Variants in FBXL17 observed in about 807,000 individuals in gnomAD.
The protein encoded by FBXL17 is F-box and leucine rich repeat protein 17.
Under a neutral mutation model 66.2 loss-of-function variants are expected in FBXL17, and 22 were observed. The observed-to-expected ratio is 0.33, with a 90% confidence interval of 0.24 to 0.47. The LOEUF (loss-of-function observed/expected upper bound fraction) is 0.47. FBXL17 is among the 20% of genes least tolerant of loss of function. FBXL17 has a pLI of 1.00. For missense variants in FBXL17, 878 were observed against 948.2 expected, an observed-to-expected ratio of 0.93 and a Z score of 0.97; for synonymous variants, 474 against 400.5, an observed-to-expected ratio of 1.18 and a Z score of -2.19.
At chr5:107,978,788 T>C (rs994503736) in intron 7 of FBXL17, among the ~76,000 whole-genome samples, 1 of 152,216 alleles carries the variant, frequency 6.6e-6, no homozygotes, top group Non-Finnish European at 1.5e-5. Flanking sequence ...ATTTGAGATT[T>C]AAGTAATAAC....
rs920845589 is a variant in FBXL17, at chr5:107,932,119, C to T, written c.1823-50940G>A. ...CCTTGGAAAGACACTGGTCTAGACT[C>T]TCCTTCTTAGAAGAAGGATTTTTGT... On this transcript the variant is annotated intron_variant, in intron 7 of 8. Transcript: ENST00000542267. Among the ~76,000 whole-genome samples the T allele has an allele frequency of 2.0e-5, 3 of 152,190 alleles. No homozygotes were observed. The South Asian group carries it at 6.2e-4, about 31-fold the overall frequency.
chr5:108,173,037 G>A (rs1752665933), intron 6 of FBXL17, among the ~76,000 whole-genome samples: 1 of 151,904 alleles, frequency 6.6e-6, no homozygotes, highest in Admixed American at 6.6e-5. Context: ...CTGACCTCAA[G>A]TGATCTACCT....
chr5:108,363,810 T>C lies in FBXL17; in HGVS notation c.1374+928A>G, dbSNP rs1748492327. Among the ~76,000 whole-genome samples, 7 of 152,086 alleles carry C rather than the reference T, an allele frequency of 4.6e-5. No individual in the cohort carries two copies. In the South Asian group the frequency reaches 1.5e-3, roughly 32 times the overall value. On this transcript the variant is annotated intron_variant, in intron 3 of 8. Coordinates refer to ENST00000542267, the MANE Select transcript of FBXL17 (RefSeq NM_001163315.3). ...ACATACACCTTTTTAAAATGTTTCA[T>C]TGTGAAAAATAAATTGCTGAGAAAT...
At chr5:107,943,889 T>C (rs1355047235) in intron 7 of FBXL17, among the ~76,000 whole-genome samples, 1 of 152,190 alleles carries the variant, frequency 6.6e-6, no homozygotes, top group Non-Finnish European at 1.5e-5. Context: ...TTAAAAGACT[T>C]TGGTAGTTAC....
intron 6 of FBXL17, among the ~76,000 whole-genome samples, chr5:108,138,202 T>A (rs1751217394): frequency 6.6e-6 from 1 of 152,118 alleles, no homozygotes; most frequent in African/African-American, 2.4e-5. Flanking sequence ...TAAAACAAGG[T>A]CAACCAAGAA....
chr5:108,121,560 A>G (rs1750500282), intron 6 of FBXL17, among the ~76,000 whole-genome samples: 1 of 152,020 alleles, frequency 6.6e-6, no homozygotes, highest in South Asian at 2.1e-4. Context: ...AAATATATTT[A>G]CAATTTTTTT....
intron 7 of FBXL17, among the ~76,000 whole-genome samples, chr5:108,012,970 C>T (rs1754236253): frequency 7.1e-6 from 1 of 140,406 alleles, no homozygotes; most frequent in South Asian, 2.2e-4. Context: ...GCCAAGATCG[C>T]ACCATTGCAT....
In FBXL17 at chr5:108,012,245, G is replaced by C. The variant is rs183211121; in HGVS notation, c.1822+8680C>G. The stretch of plus-strand genomic sequence containing the variant: ...AGGATTCAGAAAAAATTTAACTCAT[G>C]AAGAAATATATACACTTTTGAAATC... On this transcript the variant is annotated intron_variant, in intron 7 of 8. Transcript: ENST00000542267. Among the ~76,000 whole-genome samples the C allele has an allele frequency of 4.5e-4, 68 of 152,224 alleles. 2 individuals carry two copies. The East Asian group carries it at 9.5e-3, about 21-fold the overall frequency.
chr5:108,121,264 G>A (rs546296545), intron 6 of FBXL17, among the ~76,000 whole-genome samples: 3 of 152,162 alleles, frequency 2.0e-5, no homozygotes, highest in African/African-American at 7.2e-5. Context: ...GCTGACAGAG[G>A]TTGCAGTGAG....
intron 7 of FBXL17, among the ~76,000 whole-genome samples, chr5:107,882,322 T>G (rs1748818333): frequency 6.6e-6 from 1 of 151,918 alleles, no homozygotes; most frequent in African/African-American, 2.4e-5. Flanking sequence ...AAGAGAATAT[T>G]TGGCAAAATC....
chr5:108,227,451 T>C (rs940092377), intron 4 of FBXL17, among the ~76,000 whole-genome samples: 1 of 152,244 alleles, frequency 6.6e-6, no homozygotes, highest in African/African-American at 2.4e-5. Flanking sequence ...ATATTCTCTA[T>C]CATATGCTTA....
chr5:108,039,833 T>C (rs1746980865), intron 6 of FBXL17, among the ~76,000 whole-genome samples: 1 of 152,090 alleles, frequency 6.6e-6, no homozygotes, highest in Non-Finnish European at 1.5e-5. Context: ...TCAAAGATGT[T>C]AGAAAATGTA....
At chr5:108,143,087 C>G (rs1751418352) in intron 6 of FBXL17, among the ~76,000 whole-genome samples, 1 of 151,788 alleles carries the variant, frequency 6.6e-6, no homozygotes, top group Admixed American at 6.6e-5. Context: ...GAACTTAACA[C>G]CTGATGATCT....
intron 6 of FBXL17, among the ~76,000 whole-genome samples, chr5:108,138,885 A>C (rs1274044221): frequency 6.6e-6 from 1 of 152,198 alleles, no homozygotes; most frequent in African/African-American, 2.4e-5. Flanking sequence ...GAGGGAAAAT[A>C]AAAGCTTGTG....
chr5:107,920,193 C>T (rs1750265096), intron 7 of FBXL17, among the ~76,000 whole-genome samples: 1 of 152,166 alleles, frequency 6.6e-6, no homozygotes, highest in African/African-American at 2.4e-5. Context: ...CATATTGAAA[C>T]TGTGGATGTG....
At chr5:108,099,609 T>C (rs999268458) in intron 6 of FBXL17, among the ~76,000 whole-genome samples, 1 of 152,136 alleles carries the variant, frequency 6.6e-6, no homozygotes, top group African/African-American at 2.4e-5. Flanking sequence ...GTACAGATTT[T>C]CCTTGGCCTC....
At chr5:108,174,065 A>G (rs927127069) in intron 6 of FBXL17, among the ~76,000 whole-genome samples, 2 of 152,206 alleles carry the variant, frequency 1.3e-5, no homozygotes, top group Non-Finnish European at 2.9e-5. Flanking sequence ...CCAGTAGCCA[A>G]TATCACCTTT....
intron 5 of FBXL17, among the ~76,000 whole-genome samples, chr5:108,196,858 T>C (rs1488622515): frequency 2.6e-5 from 4 of 152,202 alleles, no homozygotes; most frequent in Non-Finnish European, 5.9e-5. Context: ...GTTCTCTATT[T>C]ACATATTTGT....
rs1290161766 is a variant in FBXL17, at chr5:108,179,809, ATG to A, written c.1745+6306_1745+6307del. ...GTAAATAACTAATTTAGGTAGACTA[ATG>A]AACTATTATTTTTTAATATATTTTA... On this transcript the variant is annotated intron_variant, in intron 6 of 8. Transcript: ENST00000542267. Among the ~76,000 whole-genome samples the A allele has an allele frequency of 5.3e-5, 8 of 152,326 alleles. No homozygotes were observed. The East Asian group carries it at 1.5e-3, about 29-fold the overall frequency.
Sources: gnomAD v4.1 joint callset for allele counts (sites outside exome capture counted in the v4.1 genomes callset) on GRCh38, gnomAD v4.1.1 for gene constraint, MANE v1.5 for transcripts, NCBI Gene and HGNC (gene_info 2026-07-23, HGNC 2026-07-21) for gene names.